ZNF638: variants seen among roughly 807,000 people sequenced by gnomAD.
The protein encoded by ZNF638 is zinc finger protein 638.
In ZNF638, 46 loss-of-function variants were observed where a neutral mutation model predicts 195.6. The observed-to-expected ratio is 0.24, with a 90% CI of 0.19 to 0.30. ZNF638 has a LOEUF of 0.30. ZNF638 is among the 10% of genes least tolerant of loss of function. The probability of loss-of-function intolerance (pLI) is 1.00; values close to 1 mark genes in which losing one functional copy is unlikely to be tolerated. For synonymous variants in ZNF638, 845 were observed against 772.0 expected (o/e 1.09, Z -1.57); for missense variants, 2,440 against 2,325.3 (o/e 1.05, Z -1.01).
At chr2:71,363,600 A>G (rs1055024968) in intron 4 of ZNF638, among the ~76,000 whole-genome samples, 19 of 152,238 alleles carry the variant, frequency 1.2e-4, no homozygotes, top group African/African-American at 4.3e-4. Flanking sequence ...TATTGAAAAC[A>G]TCTGTTTACG....
chr2:71,410,567 G>A (rs13397663), intron 20 of ZNF638, among the ~76,000 whole-genome samples: 13,939 of 152,120 alleles, frequency 0.092, 695 homozygotes, highest in East Asian at 0.14. Flanking sequence ...TTAGGTATTA[G>A]AATACCATGA....
intron 25 of ZNF638, among the ~76,000 whole-genome samples, chr2:71,430,642 T>G (rs548439651): frequency 6.6e-6 from 1 of 152,336 alleles, no homozygotes; most frequent in South Asian, 2.1e-4. Flanking sequence ...TAATAATGAT[T>G]TCACGTGCCT....
chr2:71,402,166 A>C, intron 16 of ZNF638, 79 bp downstream of exon 16: 1 of 1,451,326 alleles, frequency 6.9e-7, no homozygotes, highest in Non-Finnish European at 9.2e-7. Flanking sequence ...AAAACTAAAA[A>C]GAAAAGGTTT....
At chr2:71,402,340 A>G (rs2080023578) in intron 16 of ZNF638, among the ~76,000 whole-genome samples, 1 of 152,098 alleles carries the variant, frequency 6.6e-6, no homozygotes, top group Non-Finnish European at 1.5e-5. Flanking sequence ...TTTAATAGGA[A>G]ACGTTTTATA....
chr2:71,407,905 T>C (rs1413605183), intron 19 of ZNF638: 3 of 406,682 alleles, frequency 7.4e-6, no homozygotes, highest in Non-Finnish European at 1.3e-5. Flanking sequence ...GTAACACATT[T>C]TTATATCCAC....
intron 21 of ZNF638, among the ~76,000 whole-genome samples, chr2:71,421,346 AAAAG>A (rs1243539304): frequency 3.8e-4 from 53 of 140,964 alleles, no homozygotes; most frequent in Non-Finnish European, 6.0e-4. Context: ...TATTTTGAAA[AAAAG>A]GGGTGTGATT....
At chr2:71,394,968 A>G (rs1160917439) in intron 10 of ZNF638, among the ~76,000 whole-genome samples, 2 of 152,242 alleles carry the variant, frequency 1.3e-5, no homozygotes, top group East Asian at 1.9e-4. Context: ...GCATAAGCAT[A>G]TCTGTGTCAC....
At position 71,426,582 on chromosome 2, in the gene ZNF638, T is replaced by A; in HGVS notation, c.4713T>A (p.Asn1571Lys). 3 of 1,614,136 alleles carry A rather than the reference T, an allele frequency of 1.9e-6. No homozygotes were observed. The highest frequency in any genetic ancestry group is 2.5e-6 in the Non-Finnish European group (3 of 1,180,014). Residue 1571 changes from asparagine (N) to lysine (K), a missense_variant, in exon 24 of 28, where the codon AAT (asparagine) becomes AAA (lysine). Asn to Lys is a moderately conservative substitution (Grantham distance 94, BLOSUM62 0). Coordinates refer to ENST00000264447, the MANE Select transcript of ZNF638 (RefSeq NM_014497.5). ...GAAAAAGGAAAGAAACTCTCAAAAA[T>A]GTTCCTTTCTCTGAACTTAACTTAA... ...LKGKRKETLK[N>K]VPFSELNLKK... is the part of the protein sequence containing the mutation.
intron 8 of ZNF638, among the ~76,000 whole-genome samples, chr2:71,370,412 T>C (rs1216010770): frequency 6.6e-6 from 1 of 152,194 alleles, no homozygotes; most frequent in Non-Finnish European, 1.5e-5. Context: ...CAACTTTACA[T>C]AAACAAAATC....
chr2:71,387,780 G>C (rs979121065), intron 10 of ZNF638, among the ~76,000 whole-genome samples: 2 of 152,134 alleles, frequency 1.3e-5, no homozygotes, highest in Admixed American at 6.6e-5. Context: ...TAAAATTTAG[G>C]TTGAGAAGTC....
chr2:71,391,874 A>G (rs1051398296), intron 10 of ZNF638, among the ~76,000 whole-genome samples: 6 of 152,202 alleles, frequency 3.9e-5, no homozygotes, highest in African/African-American at 1.2e-4. Flanking sequence ...TCTCAGAGAC[A>G]ACTAGATAGC....
intron 10 of ZNF638, chr2:71,395,276 G>A (rs1164564447): frequency 2.5e-5 from 18 of 717,090 alleles, no homozygotes; most frequent in East Asian, 2.1e-4. Flanking sequence ...AGCAGTAATC[G>A]CTACGCCTGA....
chr2:71,403,408 C>T (rs569202869), intron 16 of ZNF638, among the ~76,000 whole-genome samples: 3 of 152,210 alleles, frequency 2.0e-5, no homozygotes, highest in African/African-American at 7.2e-5. Context: ...CAGTTTTACA[C>T]CTATGAAAAT....
At chr2:71,393,967 G>A (rs901501866) in intron 10 of ZNF638, among the ~76,000 whole-genome samples, 1 of 152,168 alleles carries the variant, frequency 6.6e-6, no homozygotes, top group African/African-American at 2.4e-5. Context: ...CAAAGGAATT[G>A]CCTTAACATT....
In ZNF638 at chr2:71,369,991, A is replaced by T; in HGVS notation, c.2251A>T (p.Lys751Ter). 1.3e-6 allele frequency: 2 copies of T among 1,594,112 alleles called. No homozygotes were observed. Among genetic ancestry groups the T allele is most frequent in the Non-Finnish European group, 1.7e-6 (2 of 1,174,706 alleles). The change falls in exon 8 of 28, where the codon AAG (lysine) becomes TAG (stop). Residue 751 changes from lysine (K) to a stop codon, truncating the protein, a stop_gained. Transcript: ENST00000264447. LOFTEE classifies it high-confidence loss of function. Reference protein sequence around the residue: ...GKSVKICVPGKKKAQNKEVKK... With the variant: ...GKSVKICVPG ...AAGTGTGAAAATATGTGTTCCAGGA[A>T]AGAAAAAAGCACAGGTAATCTGGAT...
rs1026468601 is a variant in ZNF638 at position 71,335,065 on chromosome 2, G to C, written c.-203+3190G>C. 2.0e-5 allele frequency among the ~76,000 whole-genome samples: 3 copies of C among 152,004 alleles called. No individual in the cohort carries two copies. The East Asian group carries it at 5.8e-4, about 29-fold the overall frequency. ...AACGTACATTATGTTTTTTTGCTTT[G>C]TTTTTGAGACAGGATCTCACTCTTT... On this transcript the variant is annotated intron_variant, in intron 1 of 27. Transcript: ENST00000264447.
At chr2:71,385,254 C>T (rs2079613197) in intron 10 of ZNF638, among the ~76,000 whole-genome samples, 1 of 152,250 alleles carries the variant, frequency 6.6e-6, no homozygotes, top group African/African-American at 2.4e-5. Context: ...TAAACACATG[C>T]TTACCATATG....
intron 3 of ZNF638, among the ~76,000 whole-genome samples, chr2:71,357,175 C>G (rs563836948): frequency 6.6e-6 from 1 of 152,148 alleles, no homozygotes; most frequent in African/African-American, 2.4e-5. Context: ...CTCCATAACT[C>G]TGGCAGAAGT....
intron 8 of ZNF638, among the ~76,000 whole-genome samples, chr2:71,374,222 G>A (rs906085884): frequency 6.6e-6 from 1 of 152,210 alleles, no homozygotes; most frequent in African/African-American, 2.4e-5. Context: ...TATAGGATTG[G>A]AATCAGTATT....
Sources: allele counts gnomAD v4.1 joint callset (sites outside exome capture counted in the v4.1 genomes callset), GRCh38; gene constraint gnomAD v4.1.1; transcripts MANE v1.5; gene names NCBI Gene and HGNC (gene_info 2026-07-23, HGNC 2026-07-21).